The following PABPC4L variants were observed in gnomAD, a reference collection of about 807,000 sequenced individuals.
PABPC4L encodes the protein poly(A) binding protein cytoplasmic 4 like.
For synonymous variants in PABPC4L, 169 were observed against 164.1 expected (o/e 1.03, Z -0.23); for missense variants, 452 against 451.4 (o/e 1.00, Z -0.01).
the PABPC4L span, among the ~76,000 whole-genome samples, chr4:134,042,814 A>G: frequency 6.6e-6 from 1 of 152,178 alleles, no homozygotes; most frequent in Admixed American, 6.5e-5. Flanking sequence ...AAGTAAACCA[A>G]GTGAGAAGGA....
chr4:134,184,093 T>C, the PABPC4L span, among the ~76,000 whole-genome samples: 10 of 151,884 alleles, frequency 6.6e-5, no homozygotes, highest in African/African-American at 2.2e-4. Flanking sequence ...AGACATCTTA[T>C]CAAGTAATAA....
At chr4:134,028,341 G>T in the PABPC4L span, among the ~76,000 whole-genome samples, 1 of 151,972 alleles carries the variant, frequency 6.6e-6, no homozygotes, top group Non-Finnish European at 1.5e-5. Flanking sequence ...TGCACTGCCA[G>T]CGTTTCATCC....
the PABPC4L span, among the ~76,000 whole-genome samples, chr4:134,074,874 A>G: frequency 4.6e-5 from 7 of 152,098 alleles, no homozygotes; most frequent in African/African-American, 1.4e-4. Context: ...CCATGATTCA[A>G]TTACCTCCCA....
the PABPC4L span, among the ~76,000 whole-genome samples, chr4:133,981,136 C>T: frequency 6.6e-6 from 1 of 150,570 alleles, no homozygotes; most frequent in Non-Finnish European, 1.5e-5. Flanking sequence ...ACTCCAGCCT[C>T]TGCGACAGAG....
At chr4:134,119,485 A>C in the PABPC4L span, among the ~76,000 whole-genome samples, 1 of 151,762 alleles carries the variant, frequency 6.6e-6, no homozygotes, top group Non-Finnish European at 1.5e-5. Context: ...GGAAGACAGA[A>C]TAATGTTTTA....
At chr4:134,020,456 C>A in the PABPC4L span, among the ~76,000 whole-genome samples, 2 of 152,030 alleles carry the variant, frequency 1.3e-5, no homozygotes, top group East Asian at 3.9e-4. Context: ...CTGGACACAC[C>A]CAGGTCTGAG....
At chr4:133,954,767 A>G in the PABPC4L span, among the ~76,000 whole-genome samples, 6 of 152,186 alleles carry the variant, frequency 3.9e-5, no homozygotes, top group African/African-American at 1.2e-4. Flanking sequence ...TGCTGTATGA[A>G]AAGAATATTA....
At chr4:134,136,649 C>T in the PABPC4L span, among the ~76,000 whole-genome samples, 1 of 151,982 alleles carries the variant, frequency 6.6e-6, no homozygotes, top group African/African-American at 2.4e-5. Context: ...TCACTTTGGA[C>T]ATCTGCATTC....
the PABPC4L span, among the ~76,000 whole-genome samples, chr4:134,099,059 A>G: frequency 6.6e-6 from 1 of 151,668 alleles, no homozygotes; most frequent in Non-Finnish European, 1.5e-5. Context: ...TCTTTCTAGA[A>G]GGTTTCAGTA....
chr4:134,080,908 C>T, the PABPC4L span, among the ~76,000 whole-genome samples: 1 of 151,964 alleles, frequency 6.6e-6, no homozygotes, highest in African/African-American at 2.4e-5. Context: ...ATCATATTGA[C>T]CATGTAACTG....
At chr4:134,191,881 G>A (rs1729520783), downstream of PABPC4L, among the ~76,000 whole-genome samples, 1 of 151,364 alleles carries the variant, frequency 6.6e-6, no homozygotes, top group Non-Finnish European at 1.5e-5. Flanking sequence ...AAATAAAAAG[G>A]GAATGGTAAA....
the PABPC4L span, among the ~76,000 whole-genome samples, chr4:134,171,836 T>G: frequency 6.6e-6 from 1 of 152,092 alleles, no homozygotes; most frequent in Non-Finnish European, 1.5e-5. Flanking sequence ...ACAAAGTCAA[T>G]GTACAAAAAT....
chr4:134,181,065 A>G, the PABPC4L span, among the ~76,000 whole-genome samples: 2 of 151,960 alleles, frequency 1.3e-5, no homozygotes, highest in African/African-American at 4.8e-5. Flanking sequence ...TGGCAGAGAC[A>G]TAACAAAATA....
the PABPC4L span, among the ~76,000 whole-genome samples, chr4:134,112,614 CTATA>C: frequency 8.2e-4 from 118 of 143,590 alleles, 1 homozygote; most frequent in East Asian, 1.5e-3. Context: ...ATCTATCTAT[CTATA>C]TATCTATCTA....
the PABPC4L span, among the ~76,000 whole-genome samples, chr4:133,969,552 C>G: frequency 2.0e-5 from 3 of 152,172 alleles, no homozygotes; most frequent in African/African-American, 7.2e-5. Flanking sequence ...AAACAGAAAA[C>G]TCCCTCTCAA....
intron 1 of PABPC4L, 145 bp from the exon 2 acceptor site, chr4:134,201,390 C>A: frequency 1.0e-6 from 1 of 956,566 alleles, no homozygotes; most frequent in South Asian, 1.7e-5. Context: ...AAATAGGCCT[C>A]GCTCAGAGTG....
chr4:134,113,658 G>T, the PABPC4L span, among the ~76,000 whole-genome samples: 1 of 151,826 alleles, frequency 6.6e-6, no homozygotes. Context: ...ACCAGATATA[G>T]TAAACATTTT....
downstream of PABPC4L, among the ~76,000 whole-genome samples, chr4:134,191,693 AAC>A (rs921891201): frequency 2.0e-5 from 3 of 152,076 alleles, no homozygotes; most frequent in Admixed American, 1.3e-4. Context: ...TGAAAACAAA[AAC>A]ACAACACACC....
the PABPC4L span, among the ~76,000 whole-genome samples, chr4:134,168,412 A>G: frequency 7.9e-5 from 12 of 151,930 alleles, no homozygotes; most frequent in African/African-American, 1.9e-4. Flanking sequence ...GAGAAATAGT[A>G]ACAATGAGAA....
Sources: gnomAD v4.1 joint callset for allele counts (sites outside exome capture counted in the v4.1 genomes callset) on GRCh38, gnomAD v4.1.1 for gene constraint, MANE v1.5 for transcripts, NCBI Gene and HGNC (gene_info 2026-07-23, HGNC 2026-07-21) for gene names.